Variants in MGAT4C observed in about 807,000 individuals in gnomAD.
MGAT4C encodes alpha-1,3-mannosyl-glycoprotein 4-beta-N-acetylglucosaminyltransferase C.
A neutral mutation model predicts 40.1 loss-of-function variants in MGAT4C; 19 were observed. That is an observed-to-expected ratio of 0.47 (90% CI 0.33 to 0.70). MGAT4C has a LOEUF of 0.70. Among genes scored for constraint, MGAT4C ranks in the 30% least tolerant of loss-of-function variants. The pLI is 0.02. For missense variants in MGAT4C, 491 were observed against 563.2 expected (o/e 0.87, Z 1.30); for synonymous variants, 181 against 187.1 (o/e 0.97, Z 0.27).
intron 4 of MGAT4C, among the ~76,000 whole-genome samples, chr12:86,309,373 T>G (rs1954013835): frequency 6.6e-6 from 1 of 152,054 alleles, no homozygotes; most frequent in Non-Finnish European, 1.5e-5. Flanking sequence ...GTAAAGAAAA[T>G]AAGTTTATTT....
intron 1 of MGAT4C, among the ~76,000 whole-genome samples, chr12:86,181,274 T>A (rs1303067808): frequency 6.6e-6 from 1 of 152,106 alleles, no homozygotes; most frequent in African/African-American, 2.4e-5. Context: ...ATGTCTTTTT[T>A]AGCAGCATGA....
intron 4 of MGAT4C, among the ~76,000 whole-genome samples, chr12:86,319,621 G>A (rs1954329564): frequency 6.6e-6 from 1 of 152,120 alleles, no homozygotes. Context: ...AAAAGCAAGT[G>A]GAATGACACT....
chr12:86,095,428 T>G (rs1873739179), intron 1 of MGAT4C, among the ~76,000 whole-genome samples: 1 of 152,076 alleles, frequency 6.6e-6, no homozygotes, highest in African/African-American at 2.4e-5. Flanking sequence ...TAATTGCTTT[T>G]TACAATTATG....
chr12:86,631,437 G>T (rs181199853), intron 2 of MGAT4C, among the ~76,000 whole-genome samples: 1 of 151,922 alleles, frequency 6.6e-6, no homozygotes, highest in Non-Finnish European at 1.5e-5. Context: ...AAAAGAGCCC[G>T]CATTGCCAAG....
At chr12:86,674,227 A>G (rs1222525445) in intron 2 of MGAT4C, among the ~76,000 whole-genome samples, 2 of 152,180 alleles carry the variant, frequency 1.3e-5, no homozygotes. Flanking sequence ...TACTTTTTCA[A>G]TGATCTAGAT....
At chr12:86,786,547 T>C (rs1951934462) in intron 1 of MGAT4C, among the ~76,000 whole-genome samples, 1 of 152,070 alleles carries the variant, frequency 6.6e-6, no homozygotes, top group South Asian at 2.1e-4. Context: ...CTGAATATCC[T>C]AGGTTCGCTT....
chr12:86,594,413 T>C (rs576991484), intron 2 of MGAT4C, among the ~76,000 whole-genome samples: 12 of 152,272 alleles, frequency 7.9e-5, no homozygotes, highest in Admixed American at 6.5e-4. Flanking sequence ...TGGTGGTTAT[T>C]TTATAATACT....
At chr12:86,768,044 G>C (rs1405812611) in intron 1 of MGAT4C, among the ~76,000 whole-genome samples, 3 of 152,162 alleles carry the variant, frequency 2.0e-5, no homozygotes, top group Non-Finnish European at 1.5e-5. Context: ...AGGAAATAAA[G>C]AGTATTCAAT....
chr12:86,670,479 A>T (rs780705870), intron 2 of MGAT4C, among the ~76,000 whole-genome samples: 17 of 152,152 alleles, frequency 1.1e-4, no homozygotes. Context: ...AGCAAAAGAA[A>T]GAATTTCAGA....
chr12:86,456,399 T>C (rs1957512274), intron 2 of MGAT4C, among the ~76,000 whole-genome samples: 1 of 152,082 alleles, frequency 6.6e-6, no homozygotes. Context: ...GGATAGTAAA[T>C]GGCAGCCTGG....
chr12:86,611,184 C>CA (rs1445569161), intron 2 of MGAT4C, among the ~76,000 whole-genome samples: 2 of 151,942 alleles, frequency 1.3e-5, no homozygotes, highest in East Asian at 3.9e-4. Flanking sequence ...GAGAACGATA[C>CA]AAAAATTTTA....
intron 4 of MGAT4C, among the ~76,000 whole-genome samples, chr12:86,271,474 T>C (rs1952945878): frequency 2.0e-5 from 3 of 152,166 alleles, no homozygotes; most frequent in African/African-American, 2.4e-5. Flanking sequence ...TAAGCTACCA[T>C]CTTATACCTG....
At chr12:86,628,457 G>A (rs972505218) in intron 2 of MGAT4C, among the ~76,000 whole-genome samples, 36 of 70,246 alleles carry the variant, frequency 5.1e-4, no homozygotes, top group African/African-American at 1.7e-3. Context: ...GATTAACCAA[G>A]GTTGAAATGA....
chr12:86,302,769 T>G (rs1262638786), intron 4 of MGAT4C, among the ~76,000 whole-genome samples: 1 of 150,548 alleles, frequency 6.6e-6, no homozygotes, highest in Non-Finnish European at 1.5e-5. Flanking sequence ...ATTTACTTAC[T>G]GATCTCACCC....
intron 2 of MGAT4C, among the ~76,000 whole-genome samples, chr12:86,655,326 C>T (rs1351037207): frequency 6.6e-6 from 1 of 152,080 alleles, no homozygotes; most frequent in African/African-American, 2.4e-5. Context: ...CCTTCAACTC[C>T]ATTCAACTCT....
At chr12:86,361,756 C>G (rs576250754) in intron 3 of MGAT4C, among the ~76,000 whole-genome samples, 16 of 152,272 alleles carry the variant, frequency 1.1e-4, no homozygotes, top group African/African-American at 2.9e-4. Flanking sequence ...CACTGGCCAT[C>G]AGAGAAATGC....
intron 2 of MGAT4C, among the ~76,000 whole-genome samples, chr12:86,044,000 C>T (rs1034586560): frequency 6.6e-6 from 1 of 152,190 alleles, no homozygotes; most frequent in African/African-American, 2.4e-5. Flanking sequence ...TCTGTGCAGG[C>T]TGATGTTTCT....
intron 3 of MGAT4C, among the ~76,000 whole-genome samples, chr12:86,420,513 C>A (rs533273527): frequency 2.0e-5 from 3 of 152,108 alleles, no homozygotes; most frequent in East Asian, 1.9e-4. Flanking sequence ...ATAGGCTGGG[C>A]CACCTCTTAG....
chr12:86,358,468 C>T (rs982414341), intron 3 of MGAT4C, among the ~76,000 whole-genome samples: 5 of 152,114 alleles, frequency 3.3e-5, no homozygotes, highest in Non-Finnish European at 5.9e-5. Context: ...ATCAAATTCA[C>T]ACATAACAAT....
Sources: allele counts gnomAD v4.1 joint callset (sites outside exome capture counted in the v4.1 genomes callset), GRCh38; gene constraint gnomAD v4.1.1; transcripts MANE v1.5; gene names NCBI Gene and HGNC (gene_info 2026-07-23, HGNC 2026-07-21).